The following CADPS2 variants were observed in gnomAD, a reference collection of about 807,000 sequenced individuals.
CADPS2 encodes the protein calcium dependent secretion activator 2.
Under a neutral mutation model 172.5 loss-of-function variants are expected in CADPS2, and 93 were observed. The ratio of observed to expected loss-of-function variants is 0.54; its 90% CI spans 0.46 to 0.64. The LOEUF is 0.64. Among genes scored for constraint, CADPS2 ranks in the 30% least tolerant of loss-of-function variants. The pLI, the probability that CADPS2 is intolerant of heterozygous loss-of-function variation, is 0.00. For missense variants in CADPS2, 1,420 were observed against 1,565.9 expected, an observed-to-expected ratio of 0.91 and a Z score of 1.57; for synonymous variants, 546 against 555.2, an observed-to-expected ratio of 0.98 and a Z score of 0.23.
intron 6 of CADPS2, among the ~76,000 whole-genome samples, chr7:122,601,607 T>C (rs1206630724): frequency 6.6e-6 from 1 of 152,050 alleles, no homozygotes; most frequent in African/African-American, 2.4e-5. Flanking sequence ...AAAACATTTC[T>C]TTAAATAATG....
chr7:122,766,854 C>T (rs1309364917), intron 1 of CADPS2, among the ~76,000 whole-genome samples: 1 of 152,116 alleles, frequency 6.6e-6, no homozygotes, highest in East Asian at 1.9e-4. Context: ...CTATCATTTG[C>T]TAGTTACTGG....
chr7:122,677,013 A>G (rs1472875002), intron 2 of CADPS2, among the ~76,000 whole-genome samples: 1 of 152,168 alleles, frequency 6.6e-6, no homozygotes, highest in Non-Finnish European at 1.5e-5. Context: ...ACACTTGTGT[A>G]GCCCTCCACA....
At chr7:122,402,645 T>C (rs1348709157) in intron 20 of CADPS2, among the ~76,000 whole-genome samples, 2 of 152,204 alleles carry the variant, frequency 1.3e-5, no homozygotes, top group Non-Finnish European at 2.9e-5. Context: ...AACTAATGTC[T>C]CCATTAGTTT....
intron 8 of CADPS2, among the ~76,000 whole-genome samples, chr7:122,550,533 C>T (rs1371164947): frequency 2.6e-5 from 4 of 152,072 alleles, no homozygotes; most frequent in African/African-American, 9.7e-5. Flanking sequence ...TTTGTGAAAG[C>T]CAATTTTCTC....
rs188515641 is a variant in CADPS2 at position 122,782,596 on chromosome 7, G to A, written c.340-45528C>T. Among the ~76,000 whole-genome samples, 16 of 152,196 alleles carry A rather than the reference G, an allele frequency of 1.1e-4. No individual in the cohort carries two copies. The South Asian group carries it at 1.2e-3, about 12-fold the overall frequency. On this transcript the variant is annotated intron_variant, in intron 1 of 29. Coordinates refer to ENST00000449022, the MANE Select transcript of CADPS2 (RefSeq NM_017954.11). ...ATTGCACTCCACCCTGGGTGACAGA[G>A]TGAGACCCTGTCTCAGCAACAACAA...
Position 122,387,084 on chromosome 7 carries a change from A to G in CADPS2, c.3254T>C (p.Val1085Ala). ...GCTTTGCTTTTTGGCATCGACTAAT[A>G]CATTAAACATAGTGCAAACGGAAGC... ...IPASVCTMFN[V>A]LVDAKKQSTK... Residue 1085 changes from valine (V) to alanine (A), a missense_variant, in exon 24 of 30, where the codon GTA (valine) becomes GCA (alanine). Coordinates refer to ENST00000449022, the MANE Select transcript of CADPS2 (RefSeq NM_017954.11). 1.9e-6 allele frequency: 3 copies of G among 1,563,612 alleles called. No individual in the cohort carries two copies. The highest frequency in any genetic ancestry group is 2.6e-6 in the Non-Finnish European group (3 of 1,152,038).
chr7:122,526,772 T>C (rs2061271855), intron 8 of CADPS2, among the ~76,000 whole-genome samples: 1 of 152,198 alleles, frequency 6.6e-6, no homozygotes, highest in Non-Finnish European at 1.5e-5. Flanking sequence ...TTATACCAAC[T>C]AGGTGACATG....
intron 1 of CADPS2, among the ~76,000 whole-genome samples, chr7:122,861,954 G>T (rs1261588023): frequency 6.6e-6 from 1 of 152,186 alleles, no homozygotes; most frequent in Non-Finnish European, 1.5e-5. Flanking sequence ...TCTATGCGCA[G>T]CCAATTTCCC....
chr7:122,744,037 A>G (rs1255216240), intron 1 of CADPS2, among the ~76,000 whole-genome samples: 1 of 152,240 alleles, frequency 6.6e-6, no homozygotes, highest in Non-Finnish European at 1.5e-5. Flanking sequence ...AATTCTACAA[A>G]TATCAGGTTC....
intron 2 of CADPS2, among the ~76,000 whole-genome samples, chr7:122,721,161 C>G (rs1391742185): frequency 1.3e-5 from 2 of 151,928 alleles, no homozygotes; most frequent in East Asian, 1.9e-4. Context: ...GTAAAGTCGG[C>G]CAGGACAATT....
In CADPS2 at chr7:122,709,917, G is replaced by A. The variant is rs544331959; in HGVS notation, c.453+27038C>T. On this transcript the variant is annotated intron_variant, in intron 2 of 29. Coordinates refer to ENST00000449022, the MANE Select transcript of CADPS2 (RefSeq NM_017954.11). ...CTCTGGGGACTGTTGTGGGGTTGGGGGAGAGGGAAGGGATAGCATTAGGAG... is the reference window on the plus strand; with the variant it reads ...CTCTGGGGACTGTTGTGGGGTTGGGAGAGAGGGAAGGGATAGCATTAGGAG... Among the ~76,000 whole-genome samples the A allele has an allele frequency of 2.6e-5, 4 of 151,876 alleles. No homozygotes were observed. In the South Asian group the frequency reaches 8.3e-4, roughly 32 times the overall value.
chr7:122,320,445 G>T, intron 29 of CADPS2, 107 bp from the exon 30 acceptor site: 1 of 773,166 alleles, frequency 1.3e-6, no homozygotes, highest in South Asian at 3.4e-5. Context: ...TCCACTGATA[G>T]GTTCATGTGG....
At chr7:122,452,216 T>C (rs1307161466) in intron 14 of CADPS2, among the ~76,000 whole-genome samples, 1 of 152,184 alleles carries the variant, frequency 6.6e-6, no homozygotes, top group Admixed American at 6.5e-5. Flanking sequence ...AATTTAGGTA[T>C]CCGGTTGTAC....
chr7:122,806,256 G>C lies in CADPS2; in HGVS notation c.340-69188C>G, dbSNP rs112663366. On this transcript the variant is annotated intron_variant, in intron 1 of 29. Coordinates refer to ENST00000449022, the MANE Select transcript of CADPS2 (RefSeq NM_017954.11). ...GGAAGATTAGTGTTCACTTTAGAATGAATAAATCAGTATTGTGATGATCTC... is the reference window on the plus strand; with the variant it reads ...GGAAGATTAGTGTTCACTTTAGAATCAATAAATCAGTATTGTGATGATCTC... Among the ~76,000 whole-genome samples, 456 of 152,272 alleles carry C rather than the reference G, an allele frequency of 3.0e-3. 2 individuals are homozygous for C. Among genetic ancestry groups the C allele is most frequent in the African/African-American group, 0.01 (418 of 41,564 alleles).
intron 1 of CADPS2, among the ~76,000 whole-genome samples, chr7:122,796,656 C>T (rs1206462361): frequency 6.6e-6 from 1 of 151,916 alleles, no homozygotes; most frequent in Non-Finnish European, 1.5e-5. Flanking sequence ...TTACTGGCTA[C>T]CCATATGCAG....
intron 3 of CADPS2, among the ~76,000 whole-genome samples, chr7:122,635,212 C>T (rs1244035112): frequency 6.6e-6 from 1 of 151,900 alleles, no homozygotes; most frequent in African/African-American, 2.4e-5. Context: ...AGTTTTCTGC[C>T]TGGATGATCT....
At chr7:122,479,790 T>C (rs1360467307) in intron 12 of CADPS2, among the ~76,000 whole-genome samples, 2 of 152,206 alleles carry the variant, frequency 1.3e-5, no homozygotes, top group South Asian at 2.1e-4. Flanking sequence ...TGAAATTTAA[T>C]ATATTAGATC....
intron 2 of CADPS2, among the ~76,000 whole-genome samples, chr7:122,716,768 A>G (rs1344827195): frequency 6.6e-6 from 1 of 152,110 alleles, no homozygotes; most frequent in East Asian, 1.9e-4. Flanking sequence ...AGGAGGGAGT[A>G]AAAGGTAGAG....
At chr7:122,393,096 C>T (rs569398197) in intron 22 of CADPS2, 100 bp downstream of exon 22, 25 of 1,327,926 alleles carry the variant, frequency 1.9e-5, no homozygotes, top group African/African-American at 1.5e-4. Context: ...CCTCAACCAA[C>T]GATGACAAAT....
Sources: gnomAD v4.1 joint callset for allele counts (sites outside exome capture counted in the v4.1 genomes callset) on GRCh38, gnomAD v4.1.1 for gene constraint, MANE v1.5 for transcripts, NCBI Gene and HGNC (gene_info 2026-07-23, HGNC 2026-07-21) for gene names.